The following SSU72 variants were observed in gnomAD, a reference collection of about 807,000 sequenced individuals.
SSU72 encodes the protein SSU72 homolog, RNA polymerase II CTD phosphatase, also known as RNA polymerase II subunit A C-terminal domain phosphatase SSU72.
Under a neutral mutation model 22.7 loss-of-function variants are expected in SSU72, and 12 were observed. The ratio of observed to expected loss-of-function variants is 0.53; its 90% CI spans 0.34 to 0.86. The LOEUF is 0.86. SSU72 is among the 40% of genes least tolerant of loss of function. SSU72 has a pLI of 0.02. For synonymous variants in SSU72, 116 were observed against 98.3 expected (o/e 1.18, Z -1.06); for missense variants, 151 against 249.8 (o/e 0.60, Z 2.67).
At chr1:1,560,413 G>C (rs1642573979) in intron 2 of SSU72, among the ~76,000 whole-genome samples, 1 of 152,202 alleles carries the variant, frequency 6.6e-6, no homozygotes, top group Admixed American at 6.6e-5. Context: ...CCCCAGGCTG[G>C]AACTGCAGGC....
At chr1:1,571,111 AG>A (rs751098976) in intron 1 of SSU72, among the ~76,000 whole-genome samples, 36 of 152,124 alleles carry the variant, frequency 2.4e-4, no homozygotes, top group Non-Finnish European at 5.0e-4. Flanking sequence ...CGGGCGTGGT[AG>A]CGGGTGCCTG....
chr1:1,551,566 G>A (rs531720810), intron 2 of SSU72, among the ~76,000 whole-genome samples: 1 of 151,574 alleles, frequency 6.6e-6, no homozygotes, highest in Non-Finnish European at 1.5e-5. Context: ...CAGATTCCCA[G>A]AGCCCATCCC....
chr1:1,556,187 C>T (rs1642518655), intron 2 of SSU72, among the ~76,000 whole-genome samples: 1 of 152,180 alleles, frequency 6.6e-6, no homozygotes, highest in African/African-American at 2.4e-5. Flanking sequence ...AATCCCAGCA[C>T]TTTGGGAGGC....
At position 1,544,543 on chromosome 1, in the gene SSU72, G is replaced by C. The variant is rs1236307736; in HGVS notation, c.364+320C>G. ...TGAGGCAGGAGAATCACTTGAACCCGGGAGGCAGAGGTTGCAGTGAGCCTA... is the reference window on the plus strand; with the variant it reads ...TGAGGCAGGAGAATCACTTGAACCCCGGAGGCAGAGGTTGCAGTGAGCCTA... On this transcript the variant is annotated intron_variant, in intron 3 of 4. Coordinates refer to ENST00000291386, the MANE Select transcript of SSU72 (RefSeq NM_014188.3). 4.1e-5 allele frequency: 15 copies of C among 362,808 alleles called. No homozygotes were observed. In the South Asian group the frequency reaches 4.2e-4, roughly 10 times the overall value. The allele number at this position is 362,808 out of a possible 1,614,324, so 22.5% of individuals were successfully genotyped here.
At chr1:1,553,501 C>T (rs1313912831) in intron 2 of SSU72, among the ~76,000 whole-genome samples, 2 of 151,404 alleles carry the variant, frequency 1.3e-5, no homozygotes, top group Admixed American at 6.6e-5. Context: ...CGTGGCCAGG[C>T]GCAGCGGCTC....
intron 1 of SSU72, among the ~76,000 whole-genome samples, chr1:1,567,348 G>A (rs578173800): frequency 1.3e-5 from 2 of 152,168 alleles, no homozygotes; most frequent in African/African-American, 2.4e-5. Flanking sequence ...ACACAACCCG[G>A]CTCTCCAAAC....
chr1:1,569,314 G>A (rs116240254), intron 1 of SSU72, among the ~76,000 whole-genome samples: 105 of 152,244 alleles, frequency 6.9e-4, no homozygotes, highest in African/African-American at 2.5e-3. Flanking sequence ...AACGTACGGC[G>A]GAGTCTTCTG....
chr1:1,553,110 C>T (rs946262214), intron 2 of SSU72, among the ~76,000 whole-genome samples: 2 of 151,730 alleles, frequency 1.3e-5, no homozygotes, highest in Non-Finnish European at 2.9e-5. Flanking sequence ...CCAGACTAAA[C>T]CCGAAACATT....
At chr1:1,555,148 G>T (rs1642505587) in intron 2 of SSU72, among the ~76,000 whole-genome samples, 1 of 152,174 alleles carries the variant, frequency 6.6e-6, no homozygotes, top group Non-Finnish European at 1.5e-5. Context: ...TGACAGCCAT[G>T]CCCCTGCCAC....
At chr1:1,544,042 A>G in intron 3 of SSU72, 55 bp from the exon 4 acceptor site, 2 of 1,402,284 alleles carry the variant, frequency 1.4e-6, no homozygotes, top group South Asian at 2.4e-5. Flanking sequence ...GGGAACAGGC[A>G]GTCAATGTGG....
chr1:1,557,824 C>CT (rs1248078278), intron 2 of SSU72, among the ~76,000 whole-genome samples: 1 of 152,020 alleles, frequency 6.6e-6, no homozygotes, highest in Non-Finnish European at 1.5e-5. Flanking sequence ...ACATTTTACT[C>CT]TGAGACAAGG....
intron 2 of SSU72, among the ~76,000 whole-genome samples, chr1:1,553,513 T>C (rs1268028363): frequency 6.6e-6 from 1 of 151,420 alleles, no homozygotes. Context: ...CAGCGGCTCA[T>C]GCCTGTAATC....
At position 1,546,870 on chromosome 1, in the gene SSU72, A is replaced by C. The variant is rs1425520899; in HGVS notation, c.225-1868T>G. Among the ~76,000 whole-genome samples, 858 of 126,346 alleles carry C rather than the reference A, an allele frequency of 6.8e-3. 8 individuals are homozygous for C. The highest frequency in any genetic ancestry group is 0.023 in the African/African-American group (795 of 35,190). 82.9% of individuals were successfully genotyped at this position (126,346 alleles called of 152,430 possible). ...AAACAACAACAACAACAAAAAAAAA[A>C]AAAAAAAAAAAAAAGGCCGGGCGCG... is the stretch of plus-strand genomic sequence containing the variant. On this transcript the variant is annotated intron_variant, in intron 2 of 4. Transcript: ENST00000291386.
At chr1:1,573,865 T>C (rs907112378) in intron 1 of SSU72, among the ~76,000 whole-genome samples, 1 of 152,068 alleles carries the variant, frequency 6.6e-6, no homozygotes, top group Non-Finnish European at 1.5e-5. Context: ...AAACTTGTTA[T>C]CAAGCAGGAA....
Position 1,542,387 on chromosome 1 carries a change from A to AGG in SSU72, c.484-221_484-220insCC, listed in dbSNP as rs1642333489. ...TCCCCACCGACCCTCACAGGACCTG[A>AGG]AGCTGGGAGGAGCTGGGAGGAGCCT... On this transcript the variant is annotated intron_variant, in intron 4 of 4. Transcript: ENST00000291386. This position sits in a 1 kb window ranked among gnomAD's most constrained non-coding sequence, Gnocchi z 4.4. Among the ~76,000 whole-genome samples, 1 of 152,090 alleles carries AGG rather than the reference A, an allele frequency of 6.6e-6. No homozygotes were observed. The highest frequency in any genetic ancestry group is 1.5e-5 in the Non-Finnish European group (1 of 68,006).
chr1:1,561,198 C>T (rs930388938), intron 2 of SSU72: 2 of 152,280 alleles, frequency 1.3e-5, no homozygotes, highest in Admixed American at 1.3e-4. Context: ...AACTCTCCTG[C>T]CTCAGCCTCC....
chr1:1,541,947 A>G lies in SSU72; in HGVS notation c.*119T>C, dbSNP rs2100701603. On this transcript the variant is annotated 3_prime_UTR_variant, in exon 5 of 5. Transcript: ENST00000291386. ...ATCTCCTCTCCCATTTCATATGCAC[A>G]GTTTATTTGGGTAATGCTACCGTCA... The G allele has an allele frequency of 3.3e-6, 3 of 896,702 alleles. No individual in the cohort carries two copies. The highest frequency in any genetic ancestry group is 5.2e-6 in the Non-Finnish European group (3 of 581,780). 55.5% of individuals were successfully genotyped at this position (896,702 alleles called of 1,614,324 possible).
rs956089828 is a variant in SSU72, at chr1:1,542,784, C to G, written c.484-617G>C. On this transcript the variant is annotated intron_variant, in intron 4 of 4. Transcript: ENST00000291386. This position sits in a 1 kb window ranked among gnomAD's most constrained non-coding sequence, Gnocchi z 4.4. Reference sequence around the variant, plus strand: ...CCAAGCAGAAATCGTGCAATAACTTCTGGGACGACATTTTCTTATGACCTT... The same window carrying G: ...CCAAGCAGAAATCGTGCAATAACTTGTGGGACGACATTTTCTTATGACCTT... Among the ~76,000 whole-genome samples, 1 of 152,126 alleles carries G rather than the reference C, an allele frequency of 6.6e-6. No homozygotes were observed. Among genetic ancestry groups the G allele is most frequent in the East Asian group, 1.9e-4 (1 of 5,160 alleles).
chr1:1,565,285 A>G (rs1170817513), intron 1 of SSU72, among the ~76,000 whole-genome samples: 3 of 152,196 alleles, frequency 2.0e-5, no homozygotes, highest in African/African-American at 7.2e-5. Flanking sequence ...AGGCAGGAGA[A>G]TGGCGTGAAC....
Sources: gnomAD v4.1 joint callset for allele counts (sites outside exome capture counted in the v4.1 genomes callset) on GRCh38, gnomAD v4.1.1 for gene constraint, Gnocchi (gnomAD v3.1) non-coding constraint, MANE v1.5 for transcripts, NCBI Gene and HGNC (gene_info 2026-07-23, HGNC 2026-07-21) for gene names.